The following AASDH variants were observed in gnomAD, a reference collection of about 807,000 sequenced individuals.
The protein encoded by AASDH is beta-alanine-activating enzyme.
Under a neutral mutation model 102.3 loss-of-function variants are expected in AASDH, and 81 were observed. The observed-to-expected ratio is 0.79, with a 90% CI of 0.66 to 0.95. The LOEUF is 0.95. Ranked by LOEUF, AASDH falls within the 40% of genes least tolerant of loss-of-function variation. The pLI is 0.00. For synonymous variants in AASDH, 398 were observed against 454.0 expected (o/e 0.88, Z 1.57); for missense variants, 1,203 against 1,266.2 (o/e 0.95, Z 0.76).
At position 56,378,463 on chromosome 4, in the gene AASDH, TTC is replaced by T. The variant is rs763305820; in HGVS notation, c.352-1_352del. 11 of 1,589,774 alleles carry T rather than the reference TTC, an allele frequency of 6.9e-6. No homozygotes were observed. In the Admixed American group the frequency reaches 2.0e-4, roughly 29 times the overall value. Reference sequence around the variant, plus strand: ...TAATGTTTCATGAAAAGATTTAAATTTCTGTGTGAAATGGGGGACAAAGTTTA... The same window carrying T: ...TAATGTTTCATGAAAAGATTTAAATTTGTGTGAAATGGGGGACAAAGTTTA... On this transcript the variant is annotated splice_acceptor_variant and coding_sequence_variant, in exon 4 of 15. Transcript: ENST00000205214. LOFTEE classifies it high-confidence loss of function.
Position 56,379,555 on chromosome 4 carries a change from G to A in AASDH, c.352-1091C>T, listed in dbSNP as rs952274323. ...GGAAGTACTTGCTGTATACCCGGGG[G>A]TAAAAAGATAAATAAATCTCCAAGA... On this transcript the variant is annotated intron_variant, in intron 3 of 14. Coordinates refer to ENST00000205214, the MANE Select transcript of AASDH (RefSeq NM_181806.4). 5.3e-5 allele frequency among the ~76,000 whole-genome samples: 8 copies of A among 151,876 alleles called. No homozygotes were observed. The South Asian group carries it at 1.2e-3, about 24-fold the overall frequency.
intron 3 of AASDH, 68 bp from the exon 4 acceptor site, chr4:56,378,532 T>A: frequency 1.6e-6 from 2 of 1,256,264 alleles, no homozygotes; most frequent in Non-Finnish European, 2.2e-6. Context: ...TATATAGAAG[T>A]AATATGAAAT....
chr4:56,345,723 C>T (rs970119908), intron 11 of AASDH, among the ~76,000 whole-genome samples: 1 of 152,120 alleles, frequency 6.6e-6, no homozygotes, highest in Non-Finnish European at 1.5e-5. Flanking sequence ...TGCAACAATT[C>T]AGATAATGTG....
intron 10 of AASDH, 147 bp from the exon 11 acceptor site, chr4:56,350,205 A>T: frequency 2.5e-6 from 2 of 789,770 alleles, no homozygotes; most frequent in Non-Finnish European, 3.9e-6. Flanking sequence ...CTGTAATCCC[A>T]GTACTCTGGG....
At chr4:56,341,389 C>CTTTTTTTTTTTTTTTTTTTTTTTT (rs575687659) in intron 14 of AASDH, among the ~76,000 whole-genome samples, 1 of 92,416 alleles carries the variant, frequency 1.1e-5, no homozygotes, top group Non-Finnish European at 2.0e-5. Context: ...AGACTTTTAT[C>CTTTTTTTTTTTTTTTTTTTTTTTT]TTTTTTTTTT....
At position 56,360,704 on chromosome 4, in the gene AASDH, T is replaced by A. The variant is rs78462778; in HGVS notation, c.862-5281A>T. 8.6e-3 allele frequency among the ~76,000 whole-genome samples: 1,306 copies of A among 152,288 alleles called. 14 individuals are homozygous for A. Among genetic ancestry groups the A allele is most frequent in the Middle Eastern group, 0.065 (19 of 294 alleles). On this transcript the variant is annotated intron_variant, in intron 5 of 14. Transcript: ENST00000205214. Reference sequence around the variant, plus strand: ...CTCTTCACTTGGCCAGAGCCAAAAGTCACATGGGAATAAAGATTTTTAAAT... The same window carrying A: ...CTCTTCACTTGGCCAGAGCCAAAAGACACATGGGAATAAAGATTTTTAAAT...
intron 11 of AASDH, among the ~76,000 whole-genome samples, chr4:56,348,100 A>G (rs1748528877): frequency 6.6e-6 from 1 of 151,854 alleles, no homozygotes; most frequent in Non-Finnish European, 1.5e-5. Context: ...GTAGTGAACC[A>G]AGATCGCGCC....
At chr4:56,357,872 A>G (rs950569440) in intron 5 of AASDH, among the ~76,000 whole-genome samples, 5 of 151,584 alleles carry the variant, frequency 3.3e-5, no homozygotes, top group African/African-American at 7.3e-5. Flanking sequence ...CAACTTATTC[A>G]TTTCTAACAA....
At chr4:56,378,776 T>A (rs1179024780) in intron 3 of AASDH, among the ~76,000 whole-genome samples, 1 of 151,324 alleles carries the variant, frequency 6.6e-6, no homozygotes, top group Non-Finnish European at 1.5e-5. Flanking sequence ...GTTTTTACTG[T>A]TGCACTGGGT....
intron 2 of AASDH, among the ~76,000 whole-genome samples, chr4:56,383,531 C>A (rs1479340326): frequency 6.6e-6 from 1 of 152,036 alleles, no homozygotes; most frequent in Non-Finnish European, 1.5e-5. Context: ...CTGCAGAGTT[C>A]TAGAATAGAA....
intron 5 of AASDH, among the ~76,000 whole-genome samples, chr4:56,359,733 A>T (rs1005130087): frequency 6.6e-6 from 1 of 151,132 alleles, no homozygotes; most frequent in African/African-American, 2.4e-5. Flanking sequence ...TAATTTTTGT[A>T]TTTTTAGTAG....
intron 4 of AASDH, among the ~76,000 whole-genome samples, chr4:56,376,996 G>A (rs959483161): frequency 6.7e-6 from 1 of 149,418 alleles, no homozygotes; most frequent in African/African-American, 2.4e-5. Context: ...GAACCCGGGA[G>A]GCGGAGCTTG....
intron 5 of AASDH, among the ~76,000 whole-genome samples, chr4:56,364,708 C>T (rs1490259568): frequency 6.6e-5 from 10 of 152,168 alleles, no homozygotes; most frequent in Admixed American, 5.2e-4. Context: ...TAAAAGAGCT[C>T]TTGAAGGAAT....
At chr4:56,374,743 A>C (rs1366155062) in intron 4 of AASDH, among the ~76,000 whole-genome samples, 1 of 152,066 alleles carries the variant, frequency 6.6e-6, no homozygotes, top group Non-Finnish European at 1.5e-5. Flanking sequence ...TTTTTTCTTA[A>C]TCTGTCTTTT....
At chr4:56,381,783 T>G (rs538768759) in intron 3 of AASDH, 1 of 152,240 alleles carries the variant, frequency 6.6e-6, no homozygotes, top group East Asian at 1.9e-4. Context: ...TTTTATAATG[T>G]TCTTCCCCTT....
chr4:56,379,684 G>T (rs1490311112), intron 3 of AASDH, among the ~76,000 whole-genome samples: 1 of 152,154 alleles, frequency 6.6e-6, no homozygotes, highest in African/African-American at 2.4e-5. Context: ...ATGTTAATGG[G>T]AACAGAGAAT....
At chr4:56,382,015 G>A (rs1170623730) in intron 3 of AASDH, 1 of 152,252 alleles carries the variant, frequency 6.6e-6, no homozygotes, top group African/African-American at 2.4e-5. Flanking sequence ...TAATTCTTCA[G>A]TGTTGCTGAC....
intron 11 of AASDH, among the ~76,000 whole-genome samples, chr4:56,348,487 A>C (rs1748585547): frequency 6.6e-6 from 1 of 152,078 alleles, no homozygotes; most frequent in Non-Finnish European, 1.5e-5. Flanking sequence ...ACTCCTGGGC[A>C]CAAGCGATCT....
At chr4:56,376,798 TG>T (rs1752383079) in intron 4 of AASDH, among the ~76,000 whole-genome samples, 1 of 152,176 alleles carries the variant, frequency 6.6e-6, no homozygotes, top group Admixed American at 6.5e-5. Context: ...CCGGGCACGG[TG>T]GCTCACGCCT....
Sources: allele counts gnomAD v4.1 joint callset (sites outside exome capture counted in the v4.1 genomes callset), GRCh38; gene constraint gnomAD v4.1.1; transcripts MANE v1.5; gene names NCBI Gene and HGNC (gene_info 2026-07-23, HGNC 2026-07-21).